Variants in CHRDL2 observed in about 807,000 individuals in gnomAD.
CHRDL2 encodes the protein chordin like 2.
Under a neutral mutation model 54.3 loss-of-function variants are expected in CHRDL2, and 41 were observed. The observed-to-expected ratio is 0.76, with a 90% CI of 0.59 to 0.98. CHRDL2 has a LOEUF of 0.98. Ranked by LOEUF, CHRDL2 falls within the 50% of genes least tolerant of loss-of-function variation. The pLI is 0.00. For synonymous variants in CHRDL2, 220 were observed against 224.3 expected (o/e 0.98, Z 0.17); for missense variants, 518 against 562.4 (o/e 0.92, Z 0.80).
chr11:74,709,279 A>G (rs2034112141), intron 4 of CHRDL2, among the ~76,000 whole-genome samples: 1 of 152,160 alleles, frequency 6.6e-6, no homozygotes. Context: ...CTCCTCATCC[A>G]GGCCTCATCC....
At chr11:74,701,575 T>C (rs2033812723) in intron 9 of CHRDL2, 1 of 716,908 alleles carries the variant, frequency 1.4e-6, no homozygotes, top group Admixed American at 2.0e-5. Flanking sequence ...GGGCTCTAGC[T>C]CCCGTCCTCC....
chr11:74,715,100 C>T (rs1275357016), intron 2 of CHRDL2, among the ~76,000 whole-genome samples: 1 of 152,182 alleles, frequency 6.6e-6, no homozygotes, highest in African/African-American at 2.4e-5. Context: ...CCTGAGATCA[C>T]AAAGCATGTA....
chr11:74,701,358 C>T (rs941930342), intron 9 of CHRDL2: 13 of 420,760 alleles, frequency 3.1e-5, no homozygotes, highest in Non-Finnish European at 5.1e-5. Context: ...ACCCAAAGCC[C>T]CTGCTTGTTG....
chr11:74,707,023 G>A (rs1408780701), intron 5 of CHRDL2, among the ~76,000 whole-genome samples: 1 of 152,018 alleles, frequency 6.6e-6, no homozygotes, highest in Non-Finnish European at 1.5e-5. Context: ...CAGCCCCTTC[G>A]CCCCTCCAGC....
chr11:74,704,937 G>A (rs948059906), intron 6 of CHRDL2, among the ~76,000 whole-genome samples: 5 of 152,222 alleles, frequency 3.3e-5, no homozygotes, highest in African/African-American at 1.2e-4. Flanking sequence ...GGGTTGGGGT[G>A]GGCAGAGGGT....
intron 4 of CHRDL2, among the ~76,000 whole-genome samples, chr11:74,709,450 A>G (rs2034115463): frequency 6.6e-6 from 1 of 152,220 alleles, no homozygotes. Context: ...AGAAATAGTG[A>G]TATCCTTCTC....
intron 1 of CHRDL2, among the ~76,000 whole-genome samples, chr11:74,719,785 T>C (rs1326805714): frequency 6.6e-6 from 1 of 152,216 alleles, no homozygotes; most frequent in Non-Finnish European, 1.5e-5. Flanking sequence ...CCTACAATCC[T>C]GCATTCCTGA....
intron 1 of CHRDL2, among the ~76,000 whole-genome samples, chr11:74,721,093 C>T (rs150769482): frequency 2.0e-5 from 3 of 152,230 alleles, no homozygotes; most frequent in Non-Finnish European, 2.9e-5. Flanking sequence ...GCCAGCAAGG[C>T]CCGGCTGGCC....
chr11:74,716,564 G>T (rs892252417), intron 2 of CHRDL2, among the ~76,000 whole-genome samples: 1 of 142,076 alleles, frequency 7.0e-6, no homozygotes, highest in African/African-American at 2.6e-5. Flanking sequence ...AAAAAAGAAA[G>T]AAAAGAAAAG....
intron 9 of CHRDL2, chr11:74,701,587 C>T (rs1232252604): frequency 1.4e-6 from 1 of 717,500 alleles, no homozygotes; most frequent in Non-Finnish European, 2.6e-6. Flanking sequence ...CCGTCCTCCA[C>T]TTACTGGCTG....
chr11:74,727,216 C>T (rs1004434558), intron 1 of CHRDL2, among the ~76,000 whole-genome samples: 7 of 152,190 alleles, frequency 4.6e-5, no homozygotes, highest in Admixed American at 1.3e-4. Context: ...TGTCCAGGGT[C>T]ACAGTTGGAA....
At chr11:74,697,929 TG>T (rs2033656536) in intron 9 of CHRDL2, among the ~76,000 whole-genome samples, 1 of 152,210 alleles carries the variant, frequency 6.6e-6, no homozygotes, top group African/African-American at 2.4e-5. Flanking sequence ...AACTAGCAAG[TG>T]GCAGAGTTAC....
chr11:74,719,967 C>T (rs75470314), intron 1 of CHRDL2, among the ~76,000 whole-genome samples: 5,403 of 152,150 alleles, frequency 0.036, 352 homozygotes, highest in African/African-American at 0.12. Context: ...AGGTACCTAG[C>T]GATCTTCACG....
At chr11:74,722,024 T>C (rs958047562) in intron 1 of CHRDL2, among the ~76,000 whole-genome samples, 6 of 152,174 alleles carry the variant, frequency 3.9e-5, no homozygotes, top group African/African-American at 1.2e-4. Context: ...GATTCTTGGA[T>C]GTGTTGATGG....
At chr11:74,709,072 C>G (rs1264080019) in intron 4 of CHRDL2, among the ~76,000 whole-genome samples, 1 of 152,228 alleles carries the variant, frequency 6.6e-6, no homozygotes. Context: ...TGAGACCTTT[C>G]CCTGTTCCCT....
At position 74,703,323 on chromosome 11, in the gene CHRDL2, AC is replaced by A; in HGVS notation, c.927del (p.Lys309AsnfsTer64). On this transcript the variant is annotated frameshift_variant, in exon 8 of 11. Coordinates refer to ENST00000376332, the MANE Select transcript of CHRDL2 (RefSeq NM_001278473.3). LOFTEE classifies it high-confidence loss of function. The stretch of plus-strand genomic sequence containing the variant: ...TGTGTACCTGGGCAAATCTTGCAGC[AC>A]TTCCCAGCCACTTTCTCGGGGTGAC... ...PCRHPEKVAG[K>X]CCKICPEDKA... 6.2e-7 allele frequency: 1 copy of A among 1,604,540 alleles called. No homozygotes were observed. The highest frequency in any genetic ancestry group is 8.5e-7 in the Non-Finnish European group (1 of 1,174,912).
At chr11:74,724,289 C>T (rs562923884) in intron 1 of CHRDL2, among the ~76,000 whole-genome samples, 1 of 152,366 alleles carries the variant, frequency 6.6e-6, no homozygotes, top group East Asian at 1.9e-4. Context: ...TTTGGCATAT[C>T]CAAAGTGCTA....
At chr11:74,724,002 C>G (rs972421149) in intron 1 of CHRDL2, among the ~76,000 whole-genome samples, 3 of 152,138 alleles carry the variant, frequency 2.0e-5, no homozygotes, top group African/African-American at 7.2e-5. Flanking sequence ...TATACACATT[C>G]ATGGGCCTGG....
chr11:74,718,448 C>T lies in CHRDL2; in HGVS notation c.195+272G>A, dbSNP rs76995862. ...GGAGGCAGGGAGGCTGGCACCAGCA[C>T]GAGGTGGAAAGAAGGCTGGGATGTG... On this transcript the variant is annotated intron_variant, in intron 2 of 10. Transcript: ENST00000376332. Among the ~76,000 whole-genome samples the T allele has an allele frequency of 5.3e-4, 81 of 152,240 alleles. 1 individual carries two copies. The East Asian group carries it at 5.8e-3, about 11-fold the overall frequency.
Sources: gnomAD v4.1 joint callset for allele counts (sites outside exome capture counted in the v4.1 genomes callset) on GRCh38, gnomAD v4.1.1 for gene constraint, MANE v1.5 for transcripts, NCBI Gene and HGNC (gene_info 2026-07-23, HGNC 2026-07-21) for gene names.